The following PCNX2 variants were observed in gnomAD, a reference collection of about 807,000 sequenced individuals.
PCNX2 encodes pecanex-like protein 2.
A neutral mutation model predicts 223.8 loss-of-function variants in PCNX2; 168 were observed. The ratio of observed to expected loss-of-function variants is 0.75; its 90% CI spans 0.66 to 0.85. PCNX2 has a LOEUF of 0.85. Ranked by LOEUF, PCNX2 falls within the 40% of genes least tolerant of loss-of-function variation. The pLI is 0.00. For synonymous variants in PCNX2, 1,006 were observed against 1,052.6 expected (o/e 0.96, Z 0.86); for missense variants, 2,507 against 2,675.5 (o/e 0.94, Z 1.39).
intron 32 of PCNX2, among the ~76,000 whole-genome samples, chr1:232,989,251 G>A (rs1399846071): frequency 1.3e-5 from 2 of 152,162 alleles, no homozygotes; most frequent in Admixed American, 6.5e-5. Context: ...TCAGGAGATC[G>A]AGACCATCCT....
At chr1:233,098,207 C>G (rs752796523) in intron 21 of PCNX2, among the ~76,000 whole-genome samples, 1 of 152,126 alleles carries the variant, frequency 6.6e-6, no homozygotes, top group Non-Finnish European at 1.5e-5. Flanking sequence ...TTCCTGTATC[C>G]TGGGAGGCAT....
At position 233,000,566 on chromosome 1, in the gene PCNX2, G is replaced by T; in HGVS notation, c.5098-31C>A. On this transcript the variant is annotated intron_variant, in intron 29 of 33. Transcript: ENST00000258229. The surrounding 1 kb of genome is among the most constrained non-coding windows in gnomAD (Gnocchi z 4.6). ...GGGAAGAAGTGTGGGTGTGGGCTGG[G>T]CAAGGACCAGAGGAACTCACCCCCA... The T allele has an allele frequency of 6.5e-7, 1 of 1,539,352 alleles. No individual in the cohort carries two copies. The highest frequency in any genetic ancestry group is 1.2e-5 in the South Asian group (1 of 84,996).
intron 10 of PCNX2, among the ~76,000 whole-genome samples, chr1:233,218,541 T>C (rs187511903): frequency 1.7e-3 from 252 of 152,262 alleles, no homozygotes; most frequent in East Asian, 0.01. Flanking sequence ...TGAGCCACCG[T>C]GCCCAGCCAG....
At chr1:233,237,469 A>C (rs1320312108) in intron 8 of PCNX2, among the ~76,000 whole-genome samples, 4 of 152,224 alleles carry the variant, frequency 2.6e-5, no homozygotes, top group African/African-American at 9.6e-5. Flanking sequence ...TGTCTTGGGT[A>C]ATTGATCAAG....
intron 18 of PCNX2, among the ~76,000 whole-genome samples, chr1:233,160,668 G>A (rs575430587): frequency 6.6e-6 from 1 of 152,224 alleles, no homozygotes; most frequent in South Asian, 2.1e-4. Context: ...GAGGCCAACA[G>A]AATTATGCCC....
At position 233,139,836 on chromosome 1, in the gene PCNX2, C is replaced by T. The variant is rs768996232; in HGVS notation, c.3537G>A (p.Trp1179Ter). 6.2e-7 allele frequency: 1 copy of T among 1,613,110 alleles called. No homozygotes were observed. Among genetic ancestry groups the T allele is most frequent in the South Asian group, 1.1e-5 (1 of 90,940 alleles). The change falls in exon 20 of 34, where the codon TGG (tryptophan) becomes TGA (stop). Residue 1179 changes from tryptophan to a stop codon, truncating the protein, a stop_gained. Transcript: ENST00000258229. LOFTEE classifies it high-confidence loss of function. This position sits in a 1 kb window ranked among gnomAD's most constrained non-coding sequence, Gnocchi z 4.4. ...REVRDVAHLM[W>*]FERLYVWLQC... is the part of the protein sequence containing the mutation. ...GAAGCCAAACATAGAGTCTTTCGAA[C>T]CACATTAAATGGGCAACATCTGAAA...
chr1:233,020,034 G>A (rs1394717938), intron 26 of PCNX2, among the ~76,000 whole-genome samples: 1 of 152,150 alleles, frequency 6.6e-6, no homozygotes, highest in Non-Finnish European at 1.5e-5. Flanking sequence ...TACCAGATAG[G>A]AATAACAAAC....
At position 233,017,100 on chromosome 1, in the gene PCNX2, C is replaced by A. The variant is rs377345229; in HGVS notation, c.4660G>T (p.Glu1554Ter). The change falls in exon 27 of 34, where the codon GAA becomes TAA. Residue 1554 changes from glutamate to a stop codon, truncating the protein, a stop_gained. Coordinates refer to ENST00000258229, the MANE Select transcript of PCNX2 (RefSeq NM_014801.4). LOFTEE classifies it high-confidence loss of function. ...SPKLLSWIKN[E>*]SLLKSLQPFA... Reference sequence around the variant, plus strand: ...GGCTGCAGGGACTTCAGAAGTGATTCATTTTTGATCCAGGAGAGGAGTTTG... The same window carrying A: ...GGCTGCAGGGACTTCAGAAGTGATTAATTTTTGATCCAGGAGAGGAGTTTG... The A allele has an allele frequency of 6.2e-6, 10 of 1,609,030 alleles. No homozygotes were observed. The highest frequency in any genetic ancestry group is 1.4e-5 in the African/African-American group (1 of 73,114).
Position 233,016,956 on chromosome 1 carries a change from C to G in PCNX2, c.4804G>C (p.Glu1602Gln), listed in dbSNP as rs761569730. 25 of 1,613,144 alleles carry G rather than the reference C, an allele frequency of 1.5e-5. No individual in the cohort carries two copies. The highest frequency in any genetic ancestry group is 2.1e-5 in the Non-Finnish European group (25 of 1,179,232). ...TTCCGTGCACAGTGTTGAATCCATT[C>G]TAGATAAACATTGCAGAAGCTAGCT... ...TRASFCNVYL[E>Q]WIQHCARKRQ... is the part of the protein sequence containing the mutation. The change falls in exon 27 of 34, where the codon GAA (glutamate) becomes CAA (glutamine). Residue 1602 changes from glutamate (E) to glutamine (Q), a missense_variant. Physicochemically the swap from Glu to Gln is conservative, Grantham distance 29 (BLOSUM62 2). This residue lies in a region of PCNX2 where 1,372 missense variants were observed against 1,509.4 expected (regional missense o/e 0.91). Coordinates refer to ENST00000258229, the MANE Select transcript of PCNX2 (RefSeq NM_014801.4).
At chr1:233,166,477 A>G (rs1678805827) in intron 17 of PCNX2, among the ~76,000 whole-genome samples, 1 of 8,824 alleles carries the variant, frequency 1.1e-4, no homozygotes, top group Admixed American at 8.1e-4. Context: ...GGAAAAAAAA[A>G]TTACTACTCA....
chr1:233,028,880 C>T (rs1244094820), intron 25 of PCNX2, among the ~76,000 whole-genome samples: 1 of 150,054 alleles, frequency 6.7e-6, no homozygotes, highest in East Asian at 1.9e-4. Flanking sequence ...ACTCTGTCGC[C>T]CATGCTGGAG....
intron 21 of PCNX2, among the ~76,000 whole-genome samples, chr1:233,127,089 G>T (rs997382270): frequency 3.9e-5 from 6 of 152,138 alleles, no homozygotes; most frequent in Admixed American, 2.0e-4. Context: ...TCAGTTCCAA[G>T]ACTCCATGTC....
chr1:232,987,220 A>G (rs938631202), intron 32 of PCNX2, among the ~76,000 whole-genome samples: 1 of 152,122 alleles, frequency 6.6e-6, no homozygotes. Flanking sequence ...CTTTGCTGAA[A>G]CTTGTCTAGA....
In PCNX2 at chr1:233,172,393, T is replaced by C. The variant is rs77387010; in HGVS notation, c.3273+5409A>G. 2,113 of 985,466 alleles carry C rather than the reference T, an allele frequency of 2.1e-3. 10 individuals are homozygous for C. Among genetic ancestry groups the C allele is most frequent in the African/African-American group, 0.017 (948 of 57,374 alleles). 61.0% of individuals were successfully genotyped at this position (985,466 alleles called of 1,614,324 possible). ...ATAAATTGAGGGATTTGGTGCCATC[T>C]AGTTGTTTGAACTTGTGCTGCAAAT... On this transcript the variant is annotated intron_variant, in intron 17 of 33. Transcript: ENST00000258229.
Position 233,254,875 on chromosome 1 carries a change from T to C in PCNX2, c.1835-2087A>G, listed in dbSNP as rs557534655. Among the ~76,000 whole-genome samples the C allele has an allele frequency of 7.2e-5, 11 of 152,322 alleles. No homozygotes were observed. In the South Asian group the frequency reaches 8.3e-4, roughly 11 times the overall value. On this transcript the variant is annotated intron_variant, in intron 5 of 33. Coordinates refer to ENST00000258229, the MANE Select transcript of PCNX2 (RefSeq NM_014801.4). ...GTATAATTTAAATAGACCCTGACTA[T>C]AAATTTACATTGTTTCAATTTTCCA...
intron 25 of PCNX2, among the ~76,000 whole-genome samples, chr1:233,037,892 T>A (rs557287838): frequency 3.1e-4 from 47 of 152,326 alleles, no homozygotes; most frequent in African/African-American, 1.1e-3. Context: ...CAGCATTGGT[T>A]TTTCACAGAA....
At chr1:233,121,773 A>G (rs575565328) in intron 21 of PCNX2, among the ~76,000 whole-genome samples, 1 of 152,314 alleles carries the variant, frequency 6.6e-6, no homozygotes, top group Admixed American at 6.5e-5. Flanking sequence ...AGATTTGAAA[A>G]CATTAATTTG....
intron 21 of PCNX2, among the ~76,000 whole-genome samples, chr1:233,113,197 A>T (rs1022503105): frequency 1.3e-5 from 2 of 152,186 alleles, no homozygotes; most frequent in Non-Finnish European, 2.9e-5. Flanking sequence ...GTTTTGCAAG[A>T]GGGATTCTGA....
In PCNX2 at chr1:233,000,670, C is replaced by T; in HGVS notation, c.5098-135G>A. On this transcript the variant is annotated intron_variant, in intron 29 of 33. Coordinates refer to ENST00000258229, the MANE Select transcript of PCNX2 (RefSeq NM_014801.4). This position sits in a 1 kb window ranked among gnomAD's most constrained non-coding sequence, Gnocchi z 4.6. ...CATCTTCCTCTCTCCTGTTCTTTTT[C>T]CAAATCCTGAGCTCGGCACAGAGGA... is the stretch of plus-strand genomic sequence containing the variant. 1 of 703,916 alleles carries T rather than the reference C, an allele frequency of 1.4e-6. No individual in the cohort carries two copies. Among genetic ancestry groups the T allele is most frequent in the Non-Finnish European group, 2.4e-6 (1 of 422,644 alleles). The allele number at this position is 703,916 out of a possible 1,614,324, so 43.6% of individuals were successfully genotyped here.
Sources: allele counts gnomAD v4.1 joint callset (sites outside exome capture counted in the v4.1 genomes callset), GRCh38; gene constraint gnomAD v4.1.1; regional missense constraint gnomAD v4.1.1; non-coding constraint Gnocchi (gnomAD v3.1); transcripts MANE v1.5; gene names NCBI Gene and HGNC (gene_info 2026-07-23, HGNC 2026-07-21).